COX15: variants seen among roughly 807,000 people sequenced by gnomAD.
The protein encoded by COX15 is heme A synthase COX15.
A neutral mutation model predicts 51.9 loss-of-function variants in COX15; 51 were observed. That is an observed-to-expected ratio of 0.98 (90% confidence interval 0.78 to 1.24). The LOEUF is 1.24. COX15 is among the 50% of genes most tolerant of loss of function. COX15 has a pLI of 0.00. For synonymous variants in COX15, 188 were observed against 190.5 expected (o/e 0.99, Z 0.11); for missense variants, 420 against 501.1 (o/e 0.84, Z 1.55).
rs1128642 is a variant in COX15, at chr10:99,711,938, C to T, written c.*2649G>A. ...GCATCTGCTTCTGGTGAGGGCCTCA[C>T]GAAGCTTACAATCATGGCAGAAGGT... On this transcript the variant is annotated 3_prime_UTR_variant, in exon 9 of 9. Transcript: ENST00000016171. The T allele has an allele frequency of 0.29, 163,156 of 571,726 alleles. 23,978 individuals are homozygous for T. The highest frequency in any genetic ancestry group is 0.3 in the Non-Finnish European group (134,135 of 452,152). 35.4% of individuals were successfully genotyped at this position (571,726 alleles called of 1,614,324 possible).
At chr10:99,716,947 C>T (rs2036598987) in intron 7 of COX15, among the ~76,000 whole-genome samples, 1 of 152,112 alleles carries the variant, frequency 6.6e-6, no homozygotes, top group African/African-American at 2.4e-5. Flanking sequence ...AACAAGGGTC[C>T]AGGACTGGCA....
intron 5 of COX15, chr10:99,722,970 G>C (rs887007319): frequency 2.6e-5 from 4 of 151,958 alleles, no homozygotes; most frequent in African/African-American, 9.7e-5. Context: ...ACCCAATTTG[G>C]CTTCTCTGTG....
Position 99,711,750 on chromosome 10 carries a change from G to C in COX15, c.*2837C>G, listed in dbSNP as rs1365808976. 1 of 985,326 alleles carries C rather than the reference G, an allele frequency of 1.0e-6. No individual in the cohort carries two copies. Among genetic ancestry groups the C allele is most frequent in the Non-Finnish European group, 1.2e-6 (1 of 829,954 alleles). The allele number at this position is 985,326 out of a possible 1,614,324, so 61.0% of individuals were successfully genotyped here. ...TCTTCTAGGCAATAGCATAAGCCCA[G>C]CCAGGGTCCAGCATTTATGAAAAAT... On this transcript the variant is annotated 3_prime_UTR_variant, in exon 9 of 9. Coordinates refer to ENST00000016171, the MANE Select transcript of COX15 (RefSeq NM_078470.6).
At chr10:99,731,930 C>T (rs777261170) in intron 1 of COX15, 30 bp downstream of exon 1, 1 of 1,591,510 alleles carries the variant, frequency 6.3e-7, no homozygotes, top group South Asian at 1.1e-5. Context: ...TCCCCGCTCC[C>T]GCGACTCGGA....
chr10:99,712,317 G>A lies in COX15; in HGVS notation c.*2270C>T, dbSNP rs114929589. 1.8e-4 allele frequency: 176 copies of A among 985,324 alleles called. No individual in the cohort carries two copies. In the African/African-American group the frequency reaches 2.9e-3, roughly 16 times the overall value. The allele number at this position is 985,324 out of a possible 1,614,324, so 61.0% of individuals were successfully genotyped here. On this transcript the variant is annotated 3_prime_UTR_variant, in exon 9 of 9. Transcript: ENST00000016171. ...GTTCAGAGACTAACGGGAAACGTTA[G>A]GTCATTTATGGCTCTCAGACACGTT...
intron 8 of COX15, among the ~76,000 whole-genome samples, chr10:99,715,255 A>G (rs2036529819): frequency 6.6e-6 from 1 of 152,126 alleles, no homozygotes; most frequent in Admixed American, 6.5e-5. Context: ...CTCCTGCCTC[A>G]GCCTCCCAAG....
downstream of COX15, chr10:99,709,551 T>C: frequency 1.0e-6 from 1 of 982,842 alleles, no homozygotes; most frequent in Non-Finnish European, 1.2e-6. Context: ...AATATTTTGA[T>C]TAATACTATA....
downstream of COX15, chr10:99,709,758 C>A: frequency 1.0e-6 from 1 of 985,312 alleles, no homozygotes; most frequent in Non-Finnish European, 1.2e-6. Flanking sequence ...TCCTTATATC[C>A]TAATAGACTT....
the COX15 span, among the ~76,000 whole-genome samples, chr10:99,694,877 G>T: frequency 6.6e-6 from 1 of 152,124 alleles, no homozygotes; most frequent in African/African-American, 2.4e-5. Flanking sequence ...GAGTGAAATT[G>T]CAGGGCACAA....
chr10:99,703,960 A>C, the COX15 span, among the ~76,000 whole-genome samples: 1 of 152,268 alleles, frequency 6.6e-6, no homozygotes, highest in South Asian at 2.1e-4. Flanking sequence ...TCCTGGCTTC[A>C]AGCAATTCTC....
intron 8 of COX15, 65 bp downstream of exon 8, chr10:99,716,283 G>C: frequency 8.6e-7 from 1 of 1,168,884 alleles, no homozygotes; most frequent in Non-Finnish European, 1.3e-6. Flanking sequence ...ATGAGCCACT[G>C]TGCCCGGCCC....
chr10:99,716,321 G>T (rs199831811), intron 8 of COX15, 27 bp downstream of exon 8: 1 of 1,501,724 alleles, frequency 6.7e-7, no homozygotes, highest in Non-Finnish European at 9.3e-7. Flanking sequence ...TGGGGATACT[G>T]TCAGAACAAA....
the COX15 span, among the ~76,000 whole-genome samples, chr10:99,701,623 A>C: frequency 2.0e-5 from 3 of 152,188 alleles, no homozygotes; most frequent in South Asian, 4.2e-4. Context: ...TATTATAGAT[A>C]ATATCAAACA....
downstream of COX15, chr10:99,710,042 C>CCA (rs759234662): frequency 5.1e-6 from 5 of 985,386 alleles, no homozygotes; most frequent in East Asian, 5.7e-4. Flanking sequence ...CTATGTATAG[C>CCA]CACACATGCA....
downstream of COX15, chr10:99,709,005 C>A: frequency 1.0e-6 from 1 of 985,354 alleles, no homozygotes; most frequent in Non-Finnish European, 1.2e-6. Flanking sequence ...GAAAAAAATA[C>A]TTTGTCAGAA....
chr10:99,714,152 G>A lies in COX15; in HGVS notation c.*435C>T, dbSNP rs113350367. The A allele has an allele frequency of 3.4e-5, 35 of 1,021,104 alleles. No homozygotes were observed. Among genetic ancestry groups the A allele is most frequent in the African/African-American group, 1.7e-4 (10 of 57,732 alleles). The allele number at this position is 1,021,104 out of a possible 1,614,324, so 63.3% of individuals were successfully genotyped here. A position where few individuals can be genotyped will look rare whatever the true frequency, so the allele number is the denominator to read the frequency against. ...TGCTGAAGACCAGCTGGCTACTTTG[G>A]GTATGTCAATCCTATCCTTTCAATC... On this transcript the variant is annotated 3_prime_UTR_variant, in exon 9 of 9. Coordinates refer to ENST00000016171, the MANE Select transcript of COX15 (RefSeq NM_078470.6).
the COX15 span, chr10:99,698,561 T>A: frequency 1.2e-6 from 2 of 1,614,060 alleles, no homozygotes; most frequent in East Asian, 2.2e-5. Context: ...CAGGTCTGAG[T>A]CCCGACAATC....
At position 99,712,215 on chromosome 10, in the gene COX15, C is replaced by T; in HGVS notation, c.*2372G>A. 2 of 984,582 alleles carry T rather than the reference C, an allele frequency of 2.0e-6. No homozygotes were observed. The highest frequency in any genetic ancestry group is 2.4e-6 in the Non-Finnish European group (2 of 829,148). 61.0% of individuals were successfully genotyped at this position (984,582 alleles called of 1,614,324 possible). On this transcript the variant is annotated 3_prime_UTR_variant, in exon 9 of 9. Transcript: ENST00000016171. ...AGGGGACAAAACATCCAAACCATAT[C>T]ACCACCTGAGAATGGTACACTACAG... is the stretch of plus-strand genomic sequence containing the variant.
chr10:99,709,517 A>C, downstream of COX15: 1 of 983,506 alleles, frequency 1.0e-6, no homozygotes. Context: ...GTTGTGATTA[A>C]TAATAACAGG....
Sources: allele counts gnomAD v4.1 joint callset (sites outside exome capture counted in the v4.1 genomes callset), GRCh38; gene constraint gnomAD v4.1.1; transcripts MANE v1.5; gene names NCBI Gene and HGNC (gene_info 2026-07-23, HGNC 2026-07-21).